Variants in HBS1L observed in about 807,000 individuals in gnomAD.
HBS1L encodes the protein HBS1 like translational GTPase, also known as HBS1-like protein.
HBS1L carries 55 observed loss-of-function variants against 88.9 expected under a neutral mutation model. The observed-to-expected ratio is 0.62, with a 90% CI of 0.50 to 0.77. HBS1L has a LOEUF of 0.77. HBS1L is among the 30% of genes least tolerant of loss of function. The probability of loss-of-function intolerance (pLI) is 0.00; values close to 1 mark genes in which losing one functional copy is unlikely to be tolerated. For missense variants in HBS1L, 741 were observed against 829.3 expected (o/e 0.89, Z 1.31); for synonymous variants, 267 against 288.5 (o/e 0.93, Z 0.76).
chr6:134,978,262 T>A (rs918351608), intron 15 of HBS1L, among the ~76,000 whole-genome samples: 22 of 151,984 alleles, frequency 1.4e-4, no homozygotes, highest in Non-Finnish European at 1.2e-4. Flanking sequence ...TTCTATGCAA[T>A]CTATAACTTT....
intron 2 of HBS1L, among the ~76,000 whole-genome samples, chr6:135,047,758 C>T (rs1018722475): frequency 1.3e-5 from 2 of 152,098 alleles, no homozygotes; most frequent in African/African-American, 4.8e-5. Flanking sequence ...ATAACCATAT[C>T]ATCTTCTCAG....
At chr6:134,995,190 G>C (rs531709194) in intron 7 of HBS1L, among the ~76,000 whole-genome samples, 2 of 152,134 alleles carry the variant, frequency 1.3e-5, no homozygotes, top group Non-Finnish European at 2.9e-5. Context: ...ACACAGCTCT[G>C]ATTTCAATTT....
In HBS1L at chr6:135,030,358, G is replaced by C. The variant is rs375365495; in HGVS notation, c.430+9215C>G. Among the ~76,000 whole-genome samples, 9 of 151,298 alleles carry C rather than the reference G, an allele frequency of 5.9e-5. No homozygotes were observed. In the South Asian group the frequency reaches 1.7e-3, roughly 28 times the overall value. ...CCCCTACCCCATGATTGAGAGTAAAGTGATATCGAAACTGCAATTCAAACA... is the reference window on the plus strand; with the variant it reads ...CCCCTACCCCATGATTGAGAGTAAACTGATATCGAAACTGCAATTCAAACA... On this transcript the variant is annotated intron_variant, in intron 4 of 17. Transcript: ENST00000367837.
intron 17 of HBS1L, among the ~76,000 whole-genome samples, chr6:134,965,907 A>C (rs1030723455): frequency 7.2e-5 from 11 of 152,210 alleles, no homozygotes; most frequent in Non-Finnish European, 1.3e-4. Context: ...TGTTATATCC[A>C]ATTAAATAAA....
At chr6:135,021,474 T>C (rs1562300986) in intron 4 of HBS1L, among the ~76,000 whole-genome samples, 2 of 152,148 alleles carry the variant, frequency 1.3e-5, no homozygotes, top group Non-Finnish European at 2.9e-5. Context: ...GACTAGCAAA[T>C]GACTTCATTT....
At chr6:134,977,733 A>G (rs921076622) in intron 15 of HBS1L, among the ~76,000 whole-genome samples, 8 of 152,004 alleles carry the variant, frequency 5.3e-5, no homozygotes, top group Admixed American at 3.3e-4. Context: ...TTTTATTTCA[A>G]AGATGCATCA....
In HBS1L at chr6:134,985,382, A is replaced by C. The variant is rs144190026; in HGVS notation, c.1451T>G (p.Ile484Ser). 1.2e-6 allele frequency: 2 copies of C among 1,606,820 alleles called. No individual in the cohort carries two copies. The highest frequency in any genetic ancestry group is 1.7e-6 in the Non-Finnish European group (2 of 1,176,870). Residue 484 changes from isoleucine (I) to serine (S), a missense_variant, in exon 12 of 18, where the codon ATT (isoleucine) becomes AGT (serine). By Grantham distance (142) the Ile-to-Ser change is moderately radical (BLOSUM62 -2). Around this residue, in one of 3 missense-constraint regions of HBS1L, gnomAD observed 556 missense variants for 598.4 expected, o/e 0.93. Transcript: ENST00000367837. ...IDSFKPPQRS[I>S]DKPFRLCVSD... ...CACACATAATCTAAAAGGTTTGTCA[A>C]TAGATCGCTGGGGAGGCTTAAAGGA... is the stretch of plus-strand genomic sequence containing the variant.
intron 8 of HBS1L, among the ~76,000 whole-genome samples, chr6:134,990,383 T>C (rs1775098159): frequency 6.6e-6 from 1 of 152,082 alleles, no homozygotes. Flanking sequence ...TCTTCTATAC[T>C]GTGATTTCCC....
rs569688424 is a variant in HBS1L, at chr6:135,019,602, C to A, written c.431-16760G>T. 2.6e-5 allele frequency among the ~76,000 whole-genome samples: 4 copies of A among 151,952 alleles called. No homozygotes were observed. The East Asian group carries it at 7.7e-4, about 29-fold the overall frequency. ...GTAATCCTTATTTCAACCTAGTCTTCAACTTCTTTAATACATTTTACCTTT... is the reference window on the plus strand; with the variant it reads ...GTAATCCTTATTTCAACCTAGTCTTAAACTTCTTTAATACATTTTACCTTT... On this transcript the variant is annotated intron_variant, in intron 4 of 17. Coordinates refer to ENST00000367837, the MANE Select transcript of HBS1L (RefSeq NM_006620.4).
chr6:135,042,246 A>G, intron 2 of HBS1L, 120 bp from the exon 3 acceptor site: 2 of 831,190 alleles, frequency 2.4e-6, no homozygotes, highest in Non-Finnish European at 3.5e-6. Context: ...CCCATATTTC[A>G]TAAGGGATGA....
At chr6:134,991,432 T>C (rs557975226) in intron 8 of HBS1L, among the ~76,000 whole-genome samples, 7 of 152,326 alleles carry the variant, frequency 4.6e-5, no homozygotes, top group Admixed American at 4.6e-4. Context: ...AATATTCCAA[T>C]CCACAGTTGA....
At chr6:134,993,578 AGTAC>A (rs1775206496) in intron 8 of HBS1L, among the ~76,000 whole-genome samples, 176 bp downstream of exon 8, 2 of 152,182 alleles carry the variant, frequency 1.3e-5, no homozygotes, top group Non-Finnish European at 2.9e-5. Context: ...GGTTTTACAA[AGTAC>A]AGGTAGAAAG....
chr6:134,979,510 CTGCTTATTTAATCAA>C (rs1774757620), intron 13 of HBS1L: 1 of 401,696 alleles, frequency 2.5e-6, no homozygotes, highest in African/African-American at 2.0e-5. Context: ...AGGCTGACTT[CTGCTTATTTAATCAA>C]GATTTTTAAA....
intron 6 of HBS1L, 23 bp downstream of exon 6, chr6:134,997,374 T>C: frequency 2.5e-6 from 4 of 1,613,164 alleles, no homozygotes; most frequent in Non-Finnish European, 3.4e-6. Flanking sequence ...TGGCTGACGA[T>C]CCAGAGGGAC....
intron 4 of HBS1L, among the ~76,000 whole-genome samples, chr6:135,018,401 A>C (rs1359425592): frequency 2.0e-5 from 3 of 152,162 alleles, no homozygotes; most frequent in African/African-American, 7.2e-5. Context: ...TCACACTAGA[A>C]GAAAACAACC....
intron 5 of HBS1L, among the ~76,000 whole-genome samples, chr6:135,001,094 G>A (rs191283119): frequency 6.6e-6 from 1 of 152,106 alleles, no homozygotes; most frequent in African/African-American, 2.4e-5. Flanking sequence ...CCTCATGGGT[G>A]GATTTTTTAC....
At chr6:135,008,730 C>T (rs780072182) in intron 4 of HBS1L, among the ~76,000 whole-genome samples, 1 of 151,928 alleles carries the variant, frequency 6.6e-6, no homozygotes, top group Non-Finnish European at 1.5e-5. Context: ...AAACCTTCTG[C>T]TTGCATATCC....
intron 4 of HBS1L, among the ~76,000 whole-genome samples, chr6:135,007,517 C>T (rs1775647080): frequency 1.3e-5 from 2 of 152,124 alleles, no homozygotes. Context: ...TATCCACAGT[C>T]AAGGATAAAA....
chr6:135,045,951 C>T (rs1296677999), intron 2 of HBS1L, among the ~76,000 whole-genome samples: 1 of 152,184 alleles, frequency 6.6e-6, no homozygotes, highest in Non-Finnish European at 1.5e-5. Flanking sequence ...ACTTTGTGGA[C>T]CATGATCAGT....
Sources: gnomAD v4.1 joint callset for allele counts (sites outside exome capture counted in the v4.1 genomes callset) on GRCh38, gnomAD v4.1.1 for gene constraint, gnomAD v4.1.1 regional missense constraint, MANE v1.5 for transcripts, NCBI Gene and HGNC (gene_info 2026-07-23, HGNC 2026-07-21) for gene names.